The following FRMPD4 variants were observed in gnomAD, a reference collection of about 807,000 sequenced individuals.
FRMPD4 encodes the protein FERM and PDZ domain containing 4.
In FRMPD4, 22 loss-of-function variants were observed where a neutral mutation model predicts 94.1. The ratio of observed to expected loss-of-function variants is 0.23; its 90% CI spans 0.17 to 0.33. The LOEUF is 0.33. FRMPD4 is among the 10% of genes least tolerant of loss of function. The pLI, the probability that FRMPD4 is intolerant of heterozygous loss-of-function variation, is 1.00. For synonymous variants in FRMPD4, 631 were observed against 548.6 expected (o/e 1.15, Z -2.10); for missense variants, 1,111 against 1,339.9 (o/e 0.83, Z 2.67).
At chrX:12,531,840 C>A (rs1329521969) in intron 2 of FRMPD4, among the ~76,000 whole-genome samples, 1 of 111,652 alleles carries the variant, frequency 9.0e-6, no homozygotes, top group Non-Finnish European at 1.9e-5. Flanking sequence ...TCTTCCCCTC[C>A]TCCAGATCCC....
At chrX:12,111,402 G>A (rs1224522829) in intron 3 of FRMPD4, among the ~76,000 whole-genome samples, 3 of 111,269 alleles carry the variant, frequency 2.7e-5, no homozygotes, top group Admixed American at 9.6e-5. Flanking sequence ...TTCCTTACAC[G>A]TTATACAAAA....
intron 2 of FRMPD4, among the ~76,000 whole-genome samples, chrX:12,569,594 TTC>T (rs2058743345): frequency 8.9e-6 from 1 of 112,407 alleles, no homozygotes; most frequent in South Asian, 3.7e-4. Flanking sequence ...CACACTCTGT[TTC>T]TGTTTTCTGT....
intron 1 of FRMPD4, among the ~76,000 whole-genome samples, chrX:12,305,725 GTT>G (rs58794898): frequency 5.2e-4 from 31 of 59,698 alleles, no homozygotes; most frequent in East Asian, 4.8e-3. Context: ...AGCTGGCTAA[GTT>G]TTTTTTTTTT....
intron 3 of FRMPD4, among the ~76,000 whole-genome samples, chrX:12,038,828 A>G (rs1158643580): frequency 9.1e-6 from 1 of 110,241 alleles, no homozygotes; most frequent in Non-Finnish European, 1.9e-5. Flanking sequence ...TGTTTCTTCT[A>G]TTTTTTTGTC....
intron 3 of FRMPD4, among the ~76,000 whole-genome samples, chrX:11,891,051 G>A (rs1262380644): frequency 8.9e-6 from 1 of 112,680 alleles, no homozygotes; most frequent in Non-Finnish European, 1.9e-5. Context: ...TGTCTCCAAG[G>A]GCTGTTGCTC....
At chrX:12,082,092 T>A (rs2055066716) in intron 3 of FRMPD4, among the ~76,000 whole-genome samples, 1 of 112,015 alleles carries the variant, frequency 8.9e-6, no homozygotes, top group Non-Finnish European at 1.9e-5. Context: ...TCTTTGAAAA[T>A]GTCGAATTGT....
intron 3 of FRMPD4, among the ~76,000 whole-genome samples, chrX:12,029,691 A>G (rs1190106051): frequency 1.8e-5 from 2 of 110,897 alleles, no homozygotes; most frequent in Non-Finnish European, 3.8e-5. Flanking sequence ...TTTTGCATAA[A>G]CTCTGTTTTA....
intron 1 of FRMPD4, among the ~76,000 whole-genome samples, chrX:12,246,856 T>G (rs1407083335): frequency 9.0e-6 from 1 of 111,524 alleles, no homozygotes; most frequent in Non-Finnish European, 1.9e-5. Context: ...AAGATAAGAT[T>G]CTTATAATTT....
chrX:12,055,937 G>A (rs778844662), intron 3 of FRMPD4, among the ~76,000 whole-genome samples: 1 of 111,615 alleles, frequency 9.0e-6, no homozygotes, highest in East Asian at 2.8e-4. Context: ...ATTCATAGGA[G>A]TTATAGTGAA....
intron 3 of FRMPD4, among the ~76,000 whole-genome samples, chrX:12,008,411 T>C (rs150092331): frequency 2.4e-3 from 270 of 112,158 alleles, no homozygotes; most frequent in Non-Finnish European, 3.4e-3. Flanking sequence ...GAGTTCACAA[T>C]ACACTTTTTG....
intron 1 of FRMPD4, among the ~76,000 whole-genome samples, chrX:12,152,830 C>A (rs1044093411): frequency 9.6e-6 from 1 of 104,628 alleles, no homozygotes; most frequent in African/African-American, 3.4e-5. Context: ...TTTTTTTTTT[C>A]ATTTTTAATA....
intron 8 of FRMPD4, among the ~76,000 whole-genome samples, chrX:12,692,780 G>T (rs886778553): frequency 1.2e-4 from 13 of 112,519 alleles, no homozygotes; most frequent in Non-Finnish European, 2.4e-4. Context: ...AATTAAAGGA[G>T]TCAGAGATAT....
At chrX:12,481,348 G>A (rs376150812) in intron 1 of FRMPD4, among the ~76,000 whole-genome samples, 9 of 111,479 alleles carry the variant, frequency 8.1e-5, no homozygotes, top group African/African-American at 2.6e-4. Context: ...ATTTTACGAA[G>A]TGTCCAACTA....
intron 3 of FRMPD4, among the ~76,000 whole-genome samples, chrX:12,022,842 T>A (rs1490037127): frequency 9.0e-6 from 1 of 111,138 alleles, no homozygotes; most frequent in Non-Finnish European, 1.9e-5. Context: ...GCTGGCTAGA[T>A]CACTCTGTCT....
chrX:11,900,104 T>C (rs2053926300), intron 3 of FRMPD4, among the ~76,000 whole-genome samples: 1 of 112,069 alleles, frequency 8.9e-6, no homozygotes, highest in Non-Finnish European at 1.9e-5. Context: ...ATTTCATTTC[T>C]TATTTAACAT....
At chrX:12,616,226 T>C (rs1189310368) in intron 4 of FRMPD4, among the ~76,000 whole-genome samples, 1 of 111,090 alleles carries the variant, frequency 9.0e-6, no homozygotes, top group Admixed American at 9.6e-5. Context: ...GTGAATGGGA[T>C]TAGTATCCTT....
intron 3 of FRMPD4, among the ~76,000 whole-genome samples, chrX:12,097,434 C>A (rs1168647343): frequency 8.9e-6 from 1 of 112,297 alleles, no homozygotes; most frequent in Non-Finnish European, 1.9e-5. Context: ...TCAACAAATT[C>A]ACTCATTTAA....
chrX:11,907,050 G>T (rs193133958), intron 3 of FRMPD4, among the ~76,000 whole-genome samples: 48 of 109,665 alleles, frequency 4.4e-4, no homozygotes, highest in African/African-American at 1.5e-3. Context: ...ATTTTCACTT[G>T]GTTATTTTTA....
intron 4 of FRMPD4, among the ~76,000 whole-genome samples, chrX:12,620,831 A>G (rs751999575): frequency 2.7e-5 from 3 of 112,797 alleles, no homozygotes; most frequent in African/African-American, 9.7e-5. Context: ...CAGTAGTCAC[A>G]TGATCTGGCT....
Sources: allele counts gnomAD v4.1 joint callset (sites outside exome capture counted in the v4.1 genomes callset), GRCh38; gene constraint gnomAD v4.1.1; transcripts MANE v1.5; gene names NCBI Gene and HGNC (gene_info 2026-07-23, HGNC 2026-07-21).